CDH9: variants seen among roughly 807,000 people sequenced by gnomAD.
CDH9 encodes cadherin 9.
CDH9 carries 28 observed loss-of-function variants against 70.9 expected under a neutral mutation model. The observed-to-expected ratio is 0.40, with a 90% CI of 0.29 to 0.54. The LOEUF (loss-of-function observed/expected upper bound fraction) is 0.54. Ranked by LOEUF, CDH9 falls within the 20% of genes least tolerant of loss-of-function variation. The pLI, the probability that CDH9 is intolerant of heterozygous loss-of-function variation, is 0.59. For synonymous variants in CDH9, 409 were observed against 343.1 expected, an observed-to-expected ratio of 1.19 and a Z score of -2.12; for missense variants, 874 against 984.4, an observed-to-expected ratio of 0.89 and a Z score of 1.50.
At position 26,915,765 on chromosome 5, in the gene CDH9, C is replaced by G; in HGVS notation, c.388G>C (p.Ala130Pro). The change falls in exon 3 of 12, where the codon GCT becomes CCT. Residue 130 changes from alanine to proline, a missense_variant. By Grantham distance (27) the Ala-to-Pro change is conservative (BLOSUM62 -1). Coordinates refer to ENST00000231021, the MANE Select transcript of CDH9 (RefSeq NM_016279.4). ...TGCCGCCCAGTTTTTCTGTCTATAG[C>G]CTTGGCACGAAGAATGTACAGAGAT... ...EKSLYILRAK[A>P]IDRKTGRQVE... is the part of the protein sequence containing the mutation. 6.2e-7 allele frequency: 1 copy of G among 1,613,606 alleles called. No individual in the cohort carries two copies. The highest frequency in any genetic ancestry group is 8.5e-7 in the Non-Finnish European group (1 of 1,179,644).
At chr5:26,906,185 T>C (rs1740945513) in intron 4 of CDH9, 59 bp from the exon 5 acceptor site, 7 of 1,412,638 alleles carry the variant, frequency 5.0e-6, no homozygotes, top group Non-Finnish European at 4.9e-6. Flanking sequence ...AAAATTAAGC[T>C]AGACAAGACT....
intron 2 of CDH9, among the ~76,000 whole-genome samples, chr5:26,940,162 CA>C (rs36027792): frequency 3.7e-4 from 51 of 136,124 alleles, no homozygotes; most frequent in African/African-American, 6.5e-4. Context: ...GACTCAGTTG[CA>C]AAAAAAAAAA....
At chr5:26,939,571 T>A (rs191278523) in intron 2 of CDH9, among the ~76,000 whole-genome samples, 158 of 151,986 alleles carry the variant, frequency 1.0e-3, no homozygotes, top group African/African-American at 3.7e-3. Context: ...ATAGAAATAT[T>A]AACTCCTAAT....
At chr5:26,991,313 C>T (rs999502989) in intron 1 of CDH9, among the ~76,000 whole-genome samples, 7 of 152,202 alleles carry the variant, frequency 4.6e-5, no homozygotes, top group African/African-American at 1.7e-4. Flanking sequence ...TCTGCCCCTG[C>T]AACTGTCTTT....
intron 3 of CDH9, among the ~76,000 whole-genome samples, chr5:26,909,356 C>T (rs1031299524): frequency 6.6e-6 from 1 of 151,970 alleles, no homozygotes; most frequent in African/African-American, 2.4e-5. Context: ...ATTTACATCC[C>T]ACTAAATTTT....
chr5:27,012,997 G>A (rs185151233), intron 1 of CDH9, among the ~76,000 whole-genome samples: 1 of 152,044 alleles, frequency 6.6e-6, no homozygotes, highest in Non-Finnish European at 1.5e-5. Flanking sequence ...GTTATAACTA[G>A]CATTTATTAA....
chr5:27,031,800 G>C (rs193237051), intron 1 of CDH9, among the ~76,000 whole-genome samples: 1 of 151,942 alleles, frequency 6.6e-6, no homozygotes, highest in East Asian at 1.9e-4. Flanking sequence ...CACGCCTCTC[G>C]TGTCTTCATT....
chr5:27,004,359 A>T (rs187809214), intron 1 of CDH9, among the ~76,000 whole-genome samples: 1 of 152,104 alleles, frequency 6.6e-6, no homozygotes, highest in Non-Finnish European at 1.5e-5. Context: ...AGACAATAAA[A>T]TTGAAGGGAC....
chr5:26,929,779 A>G (rs1279761666), intron 2 of CDH9, among the ~76,000 whole-genome samples: 1 of 152,048 alleles, frequency 6.6e-6, no homozygotes, highest in African/African-American at 2.4e-5. Context: ...TATTTGTTAG[A>G]TCTCTAAATT....
At chr5:27,017,040 ATTC>A (rs924187900) in intron 1 of CDH9, among the ~76,000 whole-genome samples, 4 of 151,784 alleles carry the variant, frequency 2.6e-5, no homozygotes, top group Admixed American at 6.6e-5. Flanking sequence ...TGTTCTTTCT[ATTC>A]TTCTTTCTAT....
At chr5:26,890,760 A>G (rs1271673436) in intron 7 of CDH9, 196 bp from the exon 8 acceptor site, 2 of 538,760 alleles carry the variant, frequency 3.7e-6, no homozygotes, top group African/African-American at 1.9e-5. Flanking sequence ...TACTTACTAT[A>G]TTATCCTATG....
chr5:27,001,844 A>ACTCT (rs141271541), intron 1 of CDH9, among the ~76,000 whole-genome samples: 2,030 of 142,026 alleles, frequency 0.014, 34 homozygotes, highest in South Asian at 0.059. Flanking sequence ...ACACACACAC[A>ACTCT]CTCTCTCTCT....
intron 1 of CDH9, among the ~76,000 whole-genome samples, chr5:26,997,634 T>G (rs1039544968): frequency 2.6e-5 from 4 of 152,180 alleles, no homozygotes; most frequent in African/African-American, 9.7e-5. Flanking sequence ...TGCTGACATG[T>G]TTAAGATTGT....
chr5:26,961,834 T>A (rs190691011), intron 2 of CDH9, among the ~76,000 whole-genome samples: 25 of 152,254 alleles, frequency 1.6e-4, no homozygotes, highest in African/African-American at 4.6e-4. Context: ...CCCTTTTTTT[T>A]AAATTGTCAT....
chr5:26,955,572 ATCTCTCTCTC>A (rs10541203), intron 2 of CDH9, among the ~76,000 whole-genome samples: 15 of 144,264 alleles, frequency 1.0e-4, no homozygotes, highest in Non-Finnish European at 1.2e-4. Context: ...TTGTGGCAGT[ATCTCTCTCTC>A]TCTCTCTCTC....
At chr5:26,976,500 C>G (rs762829715) in intron 2 of CDH9, among the ~76,000 whole-genome samples, 1 of 152,000 alleles carries the variant, frequency 6.6e-6, no homozygotes, top group Admixed American at 6.6e-5. Context: ...TGCAGTGGTG[C>G]GATCTTGGCT....
intron 2 of CDH9, among the ~76,000 whole-genome samples, chr5:26,936,712 A>G (rs10043618): frequency 0.017 from 2,535 of 152,252 alleles, 68 homozygotes; most frequent in African/African-American, 0.058. Context: ...TCAATGAAAC[A>G]GAATACAGAT....
chr5:26,948,010 C>G (rs1158444011), intron 2 of CDH9, among the ~76,000 whole-genome samples: 1 of 152,028 alleles, frequency 6.6e-6, no homozygotes, highest in Non-Finnish European at 1.5e-5. Flanking sequence ...AGAGTCGAAA[C>G]TTCTCCATTT....
intron 11 of CDH9, among the ~76,000 whole-genome samples, chr5:26,882,154 A>G (rs904653857): frequency 1.2e-4 from 19 of 152,110 alleles, no homozygotes; most frequent in African/African-American, 4.6e-4. Flanking sequence ...TGATTTTACC[A>G]CTTCCCGTAT....
Sources: gnomAD v4.1 joint callset for allele counts (sites outside exome capture counted in the v4.1 genomes callset) on GRCh38, gnomAD v4.1.1 for gene constraint, MANE v1.5 for transcripts, NCBI Gene and HGNC (gene_info 2026-07-23, HGNC 2026-07-21) for gene names.